CNTN1: variants seen among roughly 807,000 people sequenced by gnomAD.
CNTN1 encodes the protein contactin-1.
In CNTN1, 38 loss-of-function variants were observed where a neutral mutation model predicts 126.4. That is an observed-to-expected ratio of 0.30 (90% CI 0.23 to 0.39). CNTN1 has a LOEUF of 0.39. Among genes scored for constraint, CNTN1 ranks in the 10% least tolerant of loss-of-function variants. The probability of loss-of-function intolerance (pLI) is 1.00; values close to 1 mark genes in which losing one functional copy is unlikely to be tolerated. For missense variants in CNTN1, 1,009 were observed against 1,248.4 expected (o/e 0.81, Z 2.89); for synonymous variants, 413 against 422.6 (o/e 0.98, Z 0.28).
At chr12:40,987,754 ATTG>A (rs1947993930) in intron 16 of CNTN1, among the ~76,000 whole-genome samples, 1 of 152,180 alleles carries the variant, frequency 6.6e-6, no homozygotes, top group Non-Finnish European at 1.5e-5. Context: ...TGTAAATTAA[ATTG>A]TTGAGTGTAA....
At chr12:40,809,806 ACT>A (rs1209584527) in intron 1 of CNTN1, among the ~76,000 whole-genome samples, 13 of 102,896 alleles carry the variant, frequency 1.3e-4, no homozygotes, top group Non-Finnish European at 2.1e-4. Flanking sequence ...ACAGAGTGAG[ACT>A]CTGTCTCACA....
intron 6 of CNTN1, among the ~76,000 whole-genome samples, 179 bp downstream of exon 6, chr12:40,924,831 C>G (rs1453913911): frequency 7.0e-6 from 1 of 142,632 alleles, no homozygotes; most frequent in Non-Finnish European, 1.5e-5. Context: ...TTTCTTGGCT[C>G]AGTCACCTGG....
chr12:40,986,723 C>T (rs1054713619), intron 16 of CNTN1, among the ~76,000 whole-genome samples: 1 of 152,144 alleles, frequency 6.6e-6, no homozygotes, highest in Non-Finnish European at 1.5e-5. Context: ...CTGCCACTAT[C>T]TCATGTTTGT....
intron 1 of CNTN1, among the ~76,000 whole-genome samples, chr12:40,755,422 G>A (rs1311652777): frequency 1.8e-4 from 1 of 5,552 alleles, no homozygotes; most frequent in Non-Finnish European, 1.2e-3. Context: ...GATGATACAA[G>A]AAGAAAAAGA....
intron 5 of CNTN1, among the ~76,000 whole-genome samples, chr12:40,924,284 C>T (rs1945551957): frequency 6.6e-6 from 1 of 152,072 alleles, no homozygotes; most frequent in African/African-American, 2.4e-5. Context: ...AAACAAAAGT[C>T]TTCAGGATAT....
At chr12:41,053,291 A>G (rs1423223250) in intron 23 of CNTN1, among the ~76,000 whole-genome samples, 2 of 150,620 alleles carry the variant, frequency 1.3e-5, no homozygotes. Flanking sequence ...TAGAGTCACT[A>G]TGAATGGCTG....
chr12:41,027,835 T>A (rs376487954), intron 21 of CNTN1, 22 bp from the exon 22 acceptor site: 2 of 1,418,584 alleles, frequency 1.4e-6, no homozygotes, highest in Admixed American at 3.3e-5. Flanking sequence ...GACCACTGAT[T>A]GCATATTACT....
At chr12:40,878,264 G>A (rs1307522037) in intron 1 of CNTN1, among the ~76,000 whole-genome samples, 1 of 151,080 alleles carries the variant, frequency 6.6e-6, no homozygotes, top group East Asian at 1.9e-4. Flanking sequence ...CCAAAGTGGT[G>A]GGATTACAGG....
At chr12:40,773,380 C>T (rs1939423225) in intron 1 of CNTN1, among the ~76,000 whole-genome samples, 1 of 151,500 alleles carries the variant, frequency 6.6e-6, no homozygotes, top group South Asian at 2.1e-4. Context: ...AGGATTCAGA[C>T]ATTTTTCCAT....
chr12:40,824,685 A>G (rs542476602), intron 1 of CNTN1, among the ~76,000 whole-genome samples: 2 of 152,282 alleles, frequency 1.3e-5, no homozygotes, highest in Admixed American at 1.3e-4. Context: ...TATCCTAGTC[A>G]TATAGTTAAA....
At position 40,939,375 on chromosome 12, in the gene CNTN1, G is replaced by T; in HGVS notation, c.1269G>T (p.Lys423Asn). The change falls in exon 12 of 24, where the codon AAG becomes AAT. Residue 423 changes from lysine (K) to asparagine (N), a missense_variant. Lys to Asn is a moderately conservative substitution (Grantham distance 94). Coordinates refer to ENST00000551295, the MANE Select transcript of CNTN1 (RefSeq NM_001843.4). ...PTFEMNPMKKKILAAKGGRVI... is the reference protein window; with the variant it reads ...PTFEMNPMKKNILAAKGGRVI... ...TTGAAATGAATCCTATGAAGAAAAA[G>T]ATCCTGGCTGCTAAAGGTGGAAGGG... 1.2e-6 allele frequency: 2 copies of T among 1,613,876 alleles called. No individual in the cohort carries two copies. The highest frequency in any genetic ancestry group is 1.7e-6 in the Non-Finnish European group (2 of 1,179,898).
Position 41,056,891 on chromosome 12 carries a change from T to TATATTTAGATATTTATAAATATTTATA in CNTN1, c.2981-13017_2981-12991dup, listed in dbSNP as rs1314374707. Among the ~76,000 whole-genome samples the TATATTTAGATATTTATAAATATTTATA allele has an allele frequency of 1.6e-3, 170 of 108,138 alleles. 19 individuals are homozygous for TATATTTAGATATTTATAAATATTTATA. In the Admixed American group the frequency reaches 0.018, roughly 12 times the overall value. The allele number at this position is 108,138 out of a possible 152,430, so 70.9% of individuals were successfully genotyped here. On this transcript the variant is annotated intron_variant, in intron 23 of 23. Transcript: ENST00000551295. ...TAAATATTTGGATATTTATAAATATTATATTTAGATATTTATAAATATTTA... is the reference window on the plus strand; with the variant it reads ...TAAATATTTGGATATTTATAAATATTATATTTAGATATTTATAAATATTTATAATATTTAGATATTTATAAATATTTA...
intron 1 of CNTN1, among the ~76,000 whole-genome samples, chr12:40,711,346 C>A (rs1220127524): frequency 1.3e-5 from 2 of 152,080 alleles, no homozygotes; most frequent in South Asian, 2.1e-4. Context: ...GTTTCAAAAT[C>A]TCTTCCACCC....
intron 19 of CNTN1, among the ~76,000 whole-genome samples, chr12:41,019,876 C>A (rs955953840): frequency 5.9e-5 from 9 of 151,978 alleles, no homozygotes; most frequent in Non-Finnish European, 1.3e-4. Context: ...TTATATTGAA[C>A]AATTTTCTAT....
intron 14 of CNTN1, among the ~76,000 whole-genome samples, chr12:40,949,203 T>G (rs1233829866): frequency 3.4e-5 from 3 of 87,106 alleles, no homozygotes; most frequent in Non-Finnish European, 7.3e-5. Context: ...AATTTGTTTT[T>G]TTTTTTGTTT....
chr12:40,887,460 T>C (rs1318347318), intron 1 of CNTN1, among the ~76,000 whole-genome samples: 1 of 152,136 alleles, frequency 6.6e-6, no homozygotes, highest in African/African-American at 2.4e-5. Context: ...AAAACCACAA[T>C]GAGATACCAT....
At chr12:40,772,300 T>C (rs1346351607) in intron 1 of CNTN1, among the ~76,000 whole-genome samples, 1 of 152,074 alleles carries the variant, frequency 6.6e-6, no homozygotes, top group Non-Finnish European at 1.5e-5. Context: ...GAACTTTCTT[T>C]GGCTGAAGCA....
intron 14 of CNTN1, among the ~76,000 whole-genome samples, chr12:40,947,774 TATATATATACACACACAC>T (rs745512292): frequency 0.013 from 1,057 of 81,206 alleles, 21 homozygotes; most frequent in African/African-American, 0.043. Context: ...CATATATATA[TATATATATACACACACAC>T]ACACACACAC....
intron 16 of CNTN1, among the ~76,000 whole-genome samples, chr12:40,983,734 T>C (rs1947878978): frequency 6.8e-6 from 1 of 147,914 alleles, no homozygotes; most frequent in South Asian, 2.1e-4. Context: ...TACAGTACTA[T>C]ATATATATAC....
Sources: gnomAD v4.1 joint callset for allele counts (sites outside exome capture counted in the v4.1 genomes callset) on GRCh38, gnomAD v4.1.1 for gene constraint, MANE v1.5 for transcripts, NCBI Gene and HGNC (gene_info 2026-07-23, HGNC 2026-07-21) for gene names.